ROR1: variants seen among roughly 807,000 people sequenced by gnomAD.
ROR1 encodes ROR family WNT receptor 1.
Under a neutral mutation model 78.8 loss-of-function variants are expected in ROR1, and 19 were observed. The observed-to-expected ratio is 0.24, with a 90% confidence interval of 0.17 to 0.35. The LOEUF (loss-of-function observed/expected upper bound fraction) is 0.35. Ranked by LOEUF, ROR1 falls within the 10% of genes least tolerant of loss-of-function variation. ROR1 has a pLI of 1.00. For missense variants in ROR1, 917 were observed against 1,177.8 expected (o/e 0.78, Z 3.24); for synonymous variants, 386 against 433.6 (o/e 0.89, Z 1.36).
At chr1:64,165,701 C>CTTTTTT (rs576997668) in intron 8 of ROR1, among the ~76,000 whole-genome samples, 9 of 102,884 alleles carry the variant, frequency 8.7e-5, no homozygotes, top group Admixed American at 1.2e-4. Context: ...TCGGGTTTTA[C>CTTTTTT]TTTTTTTTTT....
intron 2 of ROR1, among the ~76,000 whole-genome samples, chr1:64,020,720 T>C (rs560781643): frequency 2.3e-4 from 35 of 152,226 alleles, no homozygotes; most frequent in African/African-American, 8.2e-4. Flanking sequence ...TTGCAGAAGT[T>C]GGTCCACAAA....
chr1:64,037,038 G>T (rs1156287062), intron 2 of ROR1, among the ~76,000 whole-genome samples: 1 of 152,180 alleles, frequency 6.6e-6, no homozygotes, highest in Non-Finnish European at 1.5e-5. Context: ...CCATGTGGTG[G>T]CCTCAGGGTA....
chr1:63,849,956 G>C (rs1373146660), intron 1 of ROR1, among the ~76,000 whole-genome samples: 1 of 152,174 alleles, frequency 6.6e-6, no homozygotes, highest in Non-Finnish European at 1.5e-5. Context: ...AAAGCTCCCA[G>C]TGTACCCCTC....
chr1:63,858,417 C>G (rs926609762), intron 1 of ROR1, among the ~76,000 whole-genome samples: 3 of 152,116 alleles, frequency 2.0e-5, no homozygotes, highest in Non-Finnish European at 1.5e-5. Flanking sequence ...CTCATTCTAC[C>G]TCTCAGCTAT....
intron 1 of ROR1, among the ~76,000 whole-genome samples, chr1:63,935,733 A>G (rs1645788906): frequency 6.6e-6 from 1 of 152,234 alleles, no homozygotes; most frequent in Non-Finnish European, 1.5e-5. Flanking sequence ...AGCTTGAAAC[A>G]GCAGCTGGAG....
intron 1 of ROR1, among the ~76,000 whole-genome samples, chr1:63,902,655 C>T (rs1043178638): frequency 1.3e-5 from 2 of 152,152 alleles, no homozygotes; most frequent in African/African-American, 4.8e-5. Flanking sequence ...CTAGCTCCAT[C>T]ACTAGCCACA....
At position 64,178,177 on chromosome 1, in the gene ROR1, A is replaced by G. The variant is rs374296538; in HGVS notation, c.2136A>G (p.Pro712=). 4 of 1,614,060 alleles carry G rather than the reference A, an allele frequency of 2.5e-6. No individual in the cohort carries two copies. Among genetic ancestry groups the G allele is most frequent in the Non-Finnish European group, 3.4e-6 (4 of 1,180,048 alleles). ...TGGTGAGAAAACGGCAGCTCTTACC[A>G]TGCTCTGAAGACTGCCCACCCAGAA... ...IEMVRKRQLL[P]CSEDCPPRMY... Residue 712 remains proline, a synonymous_variant, in exon 9 of 9, where the codon CCA becomes CCG. Transcript: ENST00000371079. The surrounding 1 kb of genome is among the most constrained non-coding windows in gnomAD (Gnocchi z 4.3).
chr1:64,045,796 A>G (rs1299635583), intron 2 of ROR1, among the ~76,000 whole-genome samples: 2 of 152,148 alleles, frequency 1.3e-5, no homozygotes, highest in Admixed American at 1.3e-4. Context: ...TAGTATTAGC[A>G]CTGGAAGGCA....
chr1:64,006,422 G>A (rs1328149384), intron 1 of ROR1, among the ~76,000 whole-genome samples: 2 of 152,132 alleles, frequency 1.3e-5, no homozygotes, highest in South Asian at 2.1e-4. Context: ...CAAAGTGGGT[G>A]GCAGCAGCAT....
At chr1:64,087,075 C>T (rs1400289791) in intron 4 of ROR1, among the ~76,000 whole-genome samples, 2 of 152,058 alleles carry the variant, frequency 1.3e-5, no homozygotes, top group Non-Finnish European at 2.9e-5. Flanking sequence ...ATCAAAAGAC[C>T]CTATGATATG....
intron 1 of ROR1, among the ~76,000 whole-genome samples, chr1:63,971,813 C>T (rs1348084894): frequency 6.6e-6 from 1 of 152,088 alleles, no homozygotes; most frequent in Non-Finnish European, 1.5e-5. Context: ...GAGGAGTTGG[C>T]TCAGGCTCCA....
intron 1 of ROR1, among the ~76,000 whole-genome samples, chr1:63,820,126 A>G (rs1644915208): frequency 6.6e-6 from 1 of 152,236 alleles, no homozygotes; most frequent in Non-Finnish European, 1.5e-5. Context: ...TAAGATATCA[A>G]AATATCAGAT....
At chr1:63,865,793 G>C (rs963044087) in intron 1 of ROR1, among the ~76,000 whole-genome samples, 3 of 152,176 alleles carry the variant, frequency 2.0e-5, no homozygotes, top group Admixed American at 2.0e-4. Context: ...CATAGCGCTT[G>C]TGACTGAATC....
chr1:63,843,977 G>C (rs941429298), intron 1 of ROR1, among the ~76,000 whole-genome samples: 4 of 152,124 alleles, frequency 2.6e-5, no homozygotes, highest in Non-Finnish European at 5.9e-5. Context: ...AAAGGCCCAA[G>C]CTCCTTAGCA....
At chr1:64,167,940 T>C (rs1018494287) in intron 8 of ROR1, among the ~76,000 whole-genome samples, 41 of 152,344 alleles carry the variant, frequency 2.7e-4, no homozygotes, top group African/African-American at 9.6e-4. Context: ...AAAGTCTGCC[T>C]CCTCTTCCCA....
At chr1:64,173,489 C>T (rs1650295886) in intron 8 of ROR1, among the ~76,000 whole-genome samples, 2 of 152,314 alleles carry the variant, frequency 1.3e-5, no homozygotes, top group Non-Finnish European at 2.9e-5. Context: ...CCTCCAGAGA[C>T]ATTCGGCTTC....
chr1:64,093,646 A>G (rs1035351360), intron 4 of ROR1, among the ~76,000 whole-genome samples: 7 of 152,032 alleles, frequency 4.6e-5, no homozygotes, highest in African/African-American at 1.7e-4. Flanking sequence ...TCCCAAAAGC[A>G]ATAGAAACCC....
chr1:63,963,625 AG>A (rs1340156963), intron 1 of ROR1, among the ~76,000 whole-genome samples: 1 of 152,086 alleles, frequency 6.6e-6, no homozygotes, highest in Non-Finnish European at 1.5e-5. Context: ...AAGAAAAAAA[AG>A]AATTCTGATT....
intron 1 of ROR1, among the ~76,000 whole-genome samples, chr1:63,803,002 C>T (rs574654946): frequency 6.6e-6 from 1 of 152,168 alleles, no homozygotes; most frequent in East Asian, 1.9e-4. Flanking sequence ...TGATATTTTG[C>T]ACTCTTCTTT....
Sources: gnomAD v4.1 joint callset for allele counts (sites outside exome capture counted in the v4.1 genomes callset) on GRCh38, gnomAD v4.1.1 for gene constraint, Gnocchi (gnomAD v3.1) non-coding constraint, MANE v1.5 for transcripts, NCBI Gene and HGNC (gene_info 2026-07-23, HGNC 2026-07-21) for gene names.